OSBPL1A: variants seen among roughly 807,000 people sequenced by gnomAD.
The protein encoded by OSBPL1A is oxysterol-binding protein-related protein 1.
A neutral mutation model predicts 137.1 loss-of-function variants in OSBPL1A; 80 were observed. The observed-to-expected ratio is 0.58, with a 90% CI of 0.49 to 0.70. OSBPL1A has a LOEUF of 0.70. Ranked by LOEUF, OSBPL1A falls within the 30% of genes least tolerant of loss-of-function variation. OSBPL1A has a pLI of 0.00. For missense variants in OSBPL1A, 970 were observed against 1,129.4 expected (o/e 0.86, Z 2.02); for synonymous variants, 365 against 389.7 (o/e 0.94, Z 0.75).
chr18:24,320,929 T>C (rs187624466), intron 7 of OSBPL1A, among the ~76,000 whole-genome samples: 4 of 149,846 alleles, frequency 2.7e-5, no homozygotes, highest in African/African-American at 9.9e-5. Flanking sequence ...CTCTGGAGAC[T>C]GAGGCAGGAG....
intron 13 of OSBPL1A, chr18:24,311,611 C>T (rs1041233974): frequency 3.6e-6 from 2 of 558,194 alleles, no homozygotes; most frequent in Non-Finnish European, 4.6e-6. Context: ...ACTATGGTTG[C>T]ATTATTTAAA....
chr18:24,168,347 C>T (rs1164565668), intron 24 of OSBPL1A, among the ~76,000 whole-genome samples: 1 of 152,300 alleles, frequency 6.6e-6, no homozygotes, highest in African/African-American at 2.4e-5. Flanking sequence ...AATCTGAGAA[C>T]AACAAAAGGT....
intron 27 of OSBPL1A, among the ~76,000 whole-genome samples, 186 bp from the exon 28 acceptor site, chr18:24,163,467 C>T (rs906283320): frequency 3.9e-5 from 6 of 152,088 alleles, no homozygotes; most frequent in African/African-American, 7.2e-5. Flanking sequence ...GAATAATATT[C>T]CAAAAGGGGT....
chr18:24,196,285 T>G (rs1438922499), intron 17 of OSBPL1A, 85 bp from the exon 18 acceptor site: 1 of 905,788 alleles, frequency 1.1e-6, no homozygotes, highest in Non-Finnish European at 1.7e-6. Flanking sequence ...ACATGAGAGC[T>G]GCAGGCACAG....
chr18:24,329,810 C>G (rs1192900085), intron 7 of OSBPL1A, among the ~76,000 whole-genome samples: 1 of 152,140 alleles, frequency 6.6e-6, no homozygotes, highest in African/African-American at 2.4e-5. Context: ...CTTCAAAACT[C>G]AAATTCACCA....
chr18:24,306,612 A>G (rs901671681), intron 13 of OSBPL1A, among the ~76,000 whole-genome samples: 1 of 152,196 alleles, frequency 6.6e-6, no homozygotes, highest in African/African-American at 2.4e-5. Context: ...CATTGTCATT[A>G]TATCAGTGTC....
At chr18:24,289,418 G>GTTTTTTTTTTTTTTTTTTTTTT in intron 14 of OSBPL1A, among the ~76,000 whole-genome samples, 1 of 94,208 alleles carries the variant, frequency 1.1e-5, no homozygotes, top group Non-Finnish European at 2.0e-5. Flanking sequence ...GTTTTTTCCT[G>GTTTTTTTTTTTTTTTTTTTTTT]TTTTTTTTTT....
intron 1 of OSBPL1A, among the ~76,000 whole-genome samples, chr18:24,394,491 T>C (rs1433726127): frequency 6.6e-6 from 1 of 152,186 alleles, no homozygotes; most frequent in African/African-American, 2.4e-5. Context: ...GAAAACTATT[T>C]ACTACTGTTT....
At chr18:24,351,699 G>A (rs996776392) in intron 4 of OSBPL1A, among the ~76,000 whole-genome samples, 6 of 151,956 alleles carry the variant, frequency 3.9e-5, no homozygotes, top group Admixed American at 6.6e-5. Context: ...GCCACCATGC[G>A]CAGATAATTT....
intron 1 of OSBPL1A, among the ~76,000 whole-genome samples, chr18:24,380,394 T>C (rs1906493432): frequency 6.6e-6 from 1 of 152,232 alleles, no homozygotes; most frequent in African/African-American, 2.4e-5. Context: ...ATTTGGTTTA[T>C]CTGGCCCACA....
intron 2 of OSBPL1A, 37 bp downstream of exon 2, chr18:24,377,376 T>TTTA: frequency 6.3e-7 from 1 of 1,586,962 alleles, no homozygotes; most frequent in Non-Finnish European, 8.5e-7. Context: ...TAGTGCAGAC[T>TTTA]CATAAGAGAA....
intron 1 of OSBPL1A, among the ~76,000 whole-genome samples, chr18:24,384,299 C>T (rs1232443130): frequency 1.3e-5 from 2 of 152,162 alleles, no homozygotes; most frequent in Admixed American, 6.5e-5. Flanking sequence ...GCAGACTGGG[C>T]GTGGTATCTC....
intron 18 of OSBPL1A, among the ~76,000 whole-genome samples, chr18:24,191,308 C>A (rs6508240): frequency 0.65 from 99,524 of 152,094 alleles, 32,810 homozygotes; most frequent in Non-Finnish European, 0.7. Flanking sequence ...CTTTTGGCAT[C>A]TAGTGGAGAA....
rs2089718538 is a variant in OSBPL1A, at chr18:24,271,587, C to T, written c.1281+9255G>A. ...CGTCCTCCGTGGCCCCAGGCTGCCC[C>T]GCAAAGCCACCGAGCTGCAAATACA... On this transcript the variant is annotated intron_variant, in intron 15 of 27. Coordinates refer to ENST00000319481, the MANE Select transcript of OSBPL1A (RefSeq NM_080597.4). The surrounding 1 kb of genome is among the most constrained non-coding windows in gnomAD (Gnocchi z 4.0). The T allele has an allele frequency of 4.1e-6, 4 of 987,064 alleles. No homozygotes were observed. Among genetic ancestry groups the T allele is most frequent in the Non-Finnish European group, 4.8e-6 (4 of 831,296 alleles). The allele number at this position is 987,064 out of a possible 1,614,324, so 61.1% of individuals were successfully genotyped here.
At chr18:24,274,776 G>A (rs952902666) in intron 15 of OSBPL1A, among the ~76,000 whole-genome samples, 1 of 152,078 alleles carries the variant, frequency 6.6e-6, no homozygotes, top group Non-Finnish European at 1.5e-5. Context: ...GGGTGTGGTG[G>A]CGTGCACTTG....
At chr18:24,192,105 C>A (rs574605031) in intron 18 of OSBPL1A, among the ~76,000 whole-genome samples, 1 of 152,144 alleles carries the variant, frequency 6.6e-6, no homozygotes, top group Non-Finnish European at 1.5e-5. Context: ...TATTCTATTA[C>A]TCCAAGACAT....
At chr18:24,392,762 C>T (rs1387641220) in intron 1 of OSBPL1A, among the ~76,000 whole-genome samples, 1 of 152,158 alleles carries the variant, frequency 6.6e-6, no homozygotes, top group African/African-American at 2.4e-5. Context: ...ACAATCGTGG[C>T]TCACTGCAGC....
intron 15 of OSBPL1A, among the ~76,000 whole-genome samples, chr18:24,268,321 T>C (rs1469477371): frequency 6.6e-6 from 1 of 152,098 alleles, no homozygotes; most frequent in African/African-American, 2.4e-5. Context: ...GGTTTCACTA[T>C]GCTGCTGAGG....
intron 13 of OSBPL1A, among the ~76,000 whole-genome samples, chr18:24,307,733 A>T (rs767604591): frequency 6.6e-6 from 1 of 152,158 alleles, no homozygotes; most frequent in Non-Finnish European, 1.5e-5. Context: ...CTCCACGTGG[A>T]TGTACATGCA....
Sources: allele counts gnomAD v4.1 joint callset (sites outside exome capture counted in the v4.1 genomes callset), GRCh38; gene constraint gnomAD v4.1.1; non-coding constraint Gnocchi (gnomAD v3.1); transcripts MANE v1.5; gene names NCBI Gene and HGNC (gene_info 2026-07-23, HGNC 2026-07-21).